The following CUL3 variants were observed in gnomAD, a reference collection of about 807,000 sequenced individuals.
The protein encoded by CUL3 is cullin 3, also known as cullin-3.
In CUL3, 19 loss-of-function variants were observed where a neutral mutation model predicts 89.1. That is an observed-to-expected ratio of 0.21 (90% CI 0.15 to 0.31). The LOEUF (loss-of-function observed/expected upper bound fraction) is 0.31. Among genes scored for constraint, CUL3 ranks in the 10% least tolerant of loss-of-function variants. The probability of loss-of-function intolerance (pLI) is 1.00; values close to 1 mark genes in which losing one functional copy is unlikely to be tolerated. For missense variants in CUL3, 469 were observed against 942.3 expected (o/e 0.50, Z 6.58); for synonymous variants, 351 against 308.4 (o/e 1.14, Z -1.45).
chr2:224,519,799 T>C (rs754626347), intron 3 of CUL3, among the ~76,000 whole-genome samples: 1 of 152,182 alleles, frequency 6.6e-6, no homozygotes, highest in African/African-American at 2.4e-5. Flanking sequence ...GATATGATTC[T>C]AATATCATTT....
intron 2 of CUL3, among the ~76,000 whole-genome samples, chr2:224,537,412 A>AC: frequency 6.6e-6 from 1 of 152,332 alleles, no homozygotes; most frequent in East Asian, 1.9e-4. Flanking sequence ...TCTTTTGTTC[A>AC]CAAGACTAAG....
rs564562187 is a variant in CUL3 at position 224,480,536 on chromosome 2, CAT to C, written c.2029+1354_2029+1355del. On this transcript the variant is annotated intron_variant, in intron 14 of 15. Transcript: ENST00000264414. ...TACATACACATACTCCAGATACACA[CAT>C]AAGTGTGCACACTTAACACGAAAAT... Among the ~76,000 whole-genome samples, 17 of 152,264 alleles carry C rather than the reference CAT, an allele frequency of 1.1e-4. No individual in the cohort carries two copies. In the South Asian group the frequency reaches 1.7e-3, roughly 15 times the overall value.
intron 1 of CUL3, among the ~76,000 whole-genome samples, chr2:224,573,721 C>T (rs1032440515): frequency 6.6e-6 from 1 of 152,120 alleles, no homozygotes; most frequent in African/African-American, 2.4e-5. Context: ...GTCAGACATA[C>T]CTAGAATCTG....
At chr2:224,566,741 A>G (rs1418132324) in intron 1 of CUL3, among the ~76,000 whole-genome samples, 1 of 152,182 alleles carries the variant, frequency 6.6e-6, no homozygotes, top group African/African-American at 2.4e-5. Context: ...TTTGTCATAT[A>G]ATGACTTTGC....
Position 224,585,125 on chromosome 2 carries a change from C to CG in CUL3, c.-117dup. 1.3e-6 allele frequency: 1 copy of CG among 755,722 alleles called. No individual in the cohort carries two copies. Among genetic ancestry groups the CG allele is most frequent in the South Asian group, 2.4e-5 (1 of 41,562 alleles). The allele number at this position is 755,722 out of a possible 1,614,324, so 46.8% of individuals were successfully genotyped here. ...CTGGGGGCGGCGGCGGCGCGACCCC[C>CG]GGGCAGGGCTGGGGAGCTGGCCGGC... On this transcript the variant is annotated 5_prime_UTR_variant, in exon 1 of 16. Coordinates refer to ENST00000264414, the MANE Select transcript of CUL3 (RefSeq NM_003590.5).
At chr2:224,503,246 T>C (rs1470519617) in intron 9 of CUL3, among the ~76,000 whole-genome samples, 174 bp from the exon 10 acceptor site, 2 of 152,226 alleles carry the variant, frequency 1.3e-5, no homozygotes, top group Non-Finnish European at 2.9e-5. Flanking sequence ...AAAATGCAAA[T>C]TCCCAGATTC....
intron 1 of CUL3, among the ~76,000 whole-genome samples, chr2:224,566,402 C>G (rs1695040692): frequency 6.6e-6 from 1 of 152,234 alleles, no homozygotes; most frequent in African/African-American, 2.4e-5. Flanking sequence ...AACCTGACTG[C>G]ACTTGCACAG....
At chr2:224,541,692 G>C (rs1694110930) in intron 2 of CUL3, among the ~76,000 whole-genome samples, 1 of 152,136 alleles carries the variant, frequency 6.6e-6, no homozygotes, top group Non-Finnish European at 1.5e-5. Context: ...GCAAACTGTG[G>C]TACATTCATA....
chr2:224,492,145 G>C (rs1436871960), intron 13 of CUL3, among the ~76,000 whole-genome samples: 2 of 152,142 alleles, frequency 1.3e-5, no homozygotes, highest in Non-Finnish European at 2.9e-5. Flanking sequence ...GATATTTCCT[G>C]AGAGCAGTAT....
chr2:224,496,033 G>T, intron 12 of CUL3, 67 bp from the exon 13 acceptor site: 1 of 1,500,472 alleles, frequency 6.7e-7, no homozygotes, highest in Non-Finnish European at 9.2e-7. Context: ...ATGTATGTAT[G>T]TACGTACATA....
intron 6 of CUL3, 133 bp downstream of exon 6, chr2:224,511,221 A>G (rs1692813917): frequency 1.6e-6 from 1 of 606,924 alleles, no homozygotes; most frequent in East Asian, 2.9e-5. Context: ...TAAAGTTAAC[A>G]ATGGAGACAA....
intron 7 of CUL3, 89 bp from the exon 8 acceptor site, chr2:224,506,221 GC>G: frequency 2.3e-6 from 2 of 861,898 alleles, no homozygotes; most frequent in Admixed American, 6.7e-5. Flanking sequence ...TCTTAACTTT[GC>G]TGGTAATAAA....
At chr2:224,542,197 A>G (rs1694135756) in intron 2 of CUL3, among the ~76,000 whole-genome samples, 1 of 152,212 alleles carries the variant, frequency 6.6e-6, no homozygotes, top group African/African-American at 2.4e-5. Context: ...GAGTATATCA[A>G]CCTTATGAAC....
intron 3 of CUL3, among the ~76,000 whole-genome samples, chr2:224,531,078 C>A: frequency 7.0e-6 from 1 of 143,486 alleles, no homozygotes. Flanking sequence ...CTTTTTGAAC[C>A]TAAAATAGCC....
At chr2:224,534,318 C>T (rs910197864) in intron 3 of CUL3, among the ~76,000 whole-genome samples, 5 of 151,794 alleles carry the variant, frequency 3.3e-5, no homozygotes, top group East Asian at 1.9e-4. Flanking sequence ...CAGCAATAGC[C>T]GGTGAAAAAT....
intron 8 of CUL3, among the ~76,000 whole-genome samples, chr2:224,504,817 CA>C (rs1692529421): frequency 6.6e-6 from 1 of 152,116 alleles, no homozygotes; most frequent in East Asian, 1.9e-4. Context: ...AAAATGAAGT[CA>C]AAAGAGACCA....
intron 1 of CUL3, among the ~76,000 whole-genome samples, chr2:224,581,428 C>G (rs1330221319): frequency 6.6e-6 from 1 of 150,620 alleles, no homozygotes; most frequent in Non-Finnish European, 1.5e-5. Flanking sequence ...TATGTGTTAG[C>G]TTGATGGTAG....
chr2:224,532,172 T>C (rs537166959), intron 3 of CUL3, among the ~76,000 whole-genome samples: 1 of 152,086 alleles, frequency 6.6e-6, no homozygotes, highest in Non-Finnish European at 1.5e-5. Context: ...AGTCTGAATC[T>C]CAGGAAATGA....
In CUL3 at chr2:224,473,612, G is replaced by A. The variant is rs1691210203; in HGVS notation, c.*633C>T. ...TTTGGGAAATCTCAAATTACAACAG[G>A]GAGAAACCAAATCAGGATGTGTACT... On this transcript the variant is annotated 3_prime_UTR_variant, in exon 16 of 16. Transcript: ENST00000264414. The A allele has an allele frequency of 5.4e-6, 1 of 186,178 alleles. No individual in the cohort carries two copies. The highest frequency in any genetic ancestry group is 1.1e-5 in the Non-Finnish European group (1 of 87,940). The allele number at this position is 186,178 out of a possible 1,614,324, so 11.5% of individuals were successfully genotyped here.
Sources: allele counts gnomAD v4.1 joint callset (sites outside exome capture counted in the v4.1 genomes callset), GRCh38; gene constraint gnomAD v4.1.1; transcripts MANE v1.5; gene names NCBI Gene and HGNC (gene_info 2026-07-23, HGNC 2026-07-21).